Variants in KHDRBS2 observed in about 807,000 individuals in gnomAD.
KHDRBS2 encodes the protein KH domain-containing, RNA-binding, signal transduction-associated protein 2.
Under a neutral mutation model 44.3 loss-of-function variants are expected in KHDRBS2, and 26 were observed. The observed-to-expected ratio is 0.59, with a 90% CI of 0.43 to 0.81. KHDRBS2 has a LOEUF of 0.81. Ranked by LOEUF, KHDRBS2 falls within the 40% of genes least tolerant of loss-of-function variation. The pLI is 0.00. For synonymous variants in KHDRBS2, 194 were observed against 151.1 expected (o/e 1.28, Z -2.08); for missense variants, 476 against 433.1 (o/e 1.10, Z -0.88).
At chr6:62,085,617 A>C (rs1798239333) in intron 2 of KHDRBS2, among the ~76,000 whole-genome samples, 1 of 152,174 alleles carries the variant, frequency 6.6e-6, no homozygotes, top group Non-Finnish European at 1.5e-5. Context: ...TGCTGCTGAG[A>C]AACCAAGTCC....
intron 2 of KHDRBS2, among the ~76,000 whole-genome samples, chr6:62,173,197 A>G (rs1820415618): frequency 1.4e-5 from 2 of 144,402 alleles, no homozygotes; most frequent in African/African-American, 2.6e-5. Flanking sequence ...ACTAATAAAG[A>G]AAAAAAAAAA....
intron 6 of KHDRBS2, among the ~76,000 whole-genome samples, chr6:61,877,545 A>C (rs1433518600): frequency 6.6e-6 from 1 of 151,654 alleles, no homozygotes; most frequent in South Asian, 2.1e-4. Flanking sequence ...ACACAAACCT[A>C]CACTGCTCCC....
At chr6:62,106,582 G>C (rs1251877657) in intron 2 of KHDRBS2, among the ~76,000 whole-genome samples, 1 of 152,106 alleles carries the variant, frequency 6.6e-6, no homozygotes, top group African/African-American at 2.4e-5. Context: ...AATAGAAAAA[G>C]AGGGAATCCT....
At chr6:61,592,188 C>CAAAAAAA in the KHDRBS2 span, among the ~76,000 whole-genome samples, 49 of 122,260 alleles carry the variant, frequency 4.0e-4, no homozygotes, top group Non-Finnish European at 5.8e-4. Context: ...AAGATCCCAC[C>CAAAAAAA]AAAAAAAAAA....
chr6:61,902,947 C>T (rs1297662449), intron 4 of KHDRBS2, among the ~76,000 whole-genome samples: 5 of 152,098 alleles, frequency 3.3e-5, no homozygotes, highest in Non-Finnish European at 7.4e-5. Context: ...AAGCATTTCA[C>T]TTAATTTTAT....
intron 6 of KHDRBS2, among the ~76,000 whole-genome samples, chr6:61,758,776 G>A (rs1041692445): frequency 1.3e-5 from 2 of 151,996 alleles, no homozygotes; most frequent in Non-Finnish European, 2.9e-5. Flanking sequence ...AATAATACCA[G>A]CTCTAACTAA....
chr6:61,825,314 GC>G (rs1249726513), intron 6 of KHDRBS2, among the ~76,000 whole-genome samples: 4 of 152,022 alleles, frequency 2.6e-5, no homozygotes, highest in Non-Finnish European at 4.4e-5. Flanking sequence ...GTTTCCATAG[GC>G]AAAACATATT....
chr6:62,002,258 A>G (rs1778389277), intron 3 of KHDRBS2, among the ~76,000 whole-genome samples: 1 of 152,026 alleles, frequency 6.6e-6, no homozygotes, highest in African/African-American at 2.4e-5. Context: ...CTAAGAATAA[A>G]TCATGAATGA....
intron 2 of KHDRBS2, among the ~76,000 whole-genome samples, chr6:62,175,732 C>T (rs1314750779): frequency 6.6e-6 from 1 of 151,394 alleles, no homozygotes; most frequent in Non-Finnish European, 1.5e-5. Context: ...AATAAAACTT[C>T]ACACAAAAAT....
chr6:61,929,495 C>T (rs549370725), intron 4 of KHDRBS2, among the ~76,000 whole-genome samples: 107 of 152,268 alleles, frequency 7.0e-4, no homozygotes, highest in Middle Eastern at 3.4e-3. Flanking sequence ...GGCCGTTCCA[C>T]CACCTGTATA....
Position 62,177,327 on chromosome 6 carries a change from C to T in KHDRBS2, c.92-15G>A. 1.3e-6 allele frequency: 2 copies of T among 1,571,622 alleles called. No homozygotes were observed. The highest frequency in any genetic ancestry group is 1.7e-6 in the Non-Finnish European group (2 of 1,153,322). ...CTTTTCAATTTCTGGAAGAAAATCA[C>T]AAGAAGAAAACAAGTGAAATGAGGA... On this transcript the variant is annotated splice_polypyrimidine_tract_variant and intron_variant, in intron 1 of 8. Coordinates refer to ENST00000281156, the MANE Select transcript of KHDRBS2 (RefSeq NM_152688.4).
the KHDRBS2 span, among the ~76,000 whole-genome samples, chr6:61,635,305 C>T: frequency 2.0e-5 from 3 of 151,892 alleles, no homozygotes; most frequent in Admixed American, 6.6e-5. Flanking sequence ...ATGACTTGGG[C>T]AAGAATGGGA....
At chr6:62,270,961 T>C (rs1839998851) in intron 1 of KHDRBS2, among the ~76,000 whole-genome samples, 1 of 152,098 alleles carries the variant, frequency 6.6e-6, no homozygotes, top group African/African-American at 2.4e-5. Flanking sequence ...CCTACCATGT[T>C]TTTTCTACTA....
the KHDRBS2 span, among the ~76,000 whole-genome samples, chr6:61,568,832 G>T: frequency 2.0e-5 from 3 of 152,308 alleles, no homozygotes; most frequent in East Asian, 1.9e-4. Flanking sequence ...AGGCAGCAAG[G>T]GTAACTAGAA....
chr6:61,848,551 ACATATATATAT>A (rs1794919564), intron 6 of KHDRBS2, among the ~76,000 whole-genome samples: 1 of 42,864 alleles, frequency 2.3e-5, no homozygotes, highest in African/African-American at 2.5e-4. Context: ...GTATATATAT[ACATATATATAT>A]GTATATATAT....
chr6:61,755,765 A>C (rs905284680), intron 6 of KHDRBS2, among the ~76,000 whole-genome samples: 8 of 149,270 alleles, frequency 5.4e-5, no homozygotes, highest in African/African-American at 1.7e-4. Flanking sequence ...AGGCCATTGC[A>C]CTCCAGCCTG....
chr6:61,795,144 C>CAAAAA (rs1166333660), intron 6 of KHDRBS2, among the ~76,000 whole-genome samples: 2 of 59,668 alleles, frequency 3.4e-5, no homozygotes, highest in African/African-American at 6.2e-5. Context: ...GACTCCGTCT[C>CAAAAA]AAAAAAAAAA....
At chr6:62,085,321 GA>G (rs1375912021) in intron 2 of KHDRBS2, among the ~76,000 whole-genome samples, 1 of 152,054 alleles carries the variant, frequency 6.6e-6, no homozygotes, top group Admixed American at 6.6e-5. Flanking sequence ...GCTAAACCAT[GA>G]AAAATATGTG....
In KHDRBS2 at chr6:62,053,516, A is replaced by G. The variant is rs977754364; in HGVS notation, c.220-5522T>C. On this transcript the variant is annotated intron_variant, in intron 2 of 8. Coordinates refer to ENST00000281156, the MANE Select transcript of KHDRBS2 (RefSeq NM_152688.4). The stretch of plus-strand genomic sequence containing the variant: ...ATTGTAATTTACCCATTAACAAATT[A>G]ATGAATAAAAAGGCTAGCATTTTAT... Among the ~76,000 whole-genome samples the G allele has an allele frequency of 3.5e-4, 53 of 152,158 alleles. 1 individual carries two copies. Among genetic ancestry groups the G allele is most frequent in the Admixed American group, 2.6e-3 (40 of 15,262 alleles).
Sources: gnomAD v4.1 joint callset for allele counts (sites outside exome capture counted in the v4.1 genomes callset) on GRCh38, gnomAD v4.1.1 for gene constraint, MANE v1.5 for transcripts, NCBI Gene and HGNC (gene_info 2026-07-23, HGNC 2026-07-21) for gene names.